Variants in PAMR1 observed in about 807,000 individuals in gnomAD.
PAMR1 encodes inactive serine protease PAMR1.
In PAMR1, 88 loss-of-function variants were observed where a neutral mutation model predicts 81.8. That is an observed-to-expected ratio of 1.08 (90% confidence interval 0.91 to 1.28). The LOEUF (loss-of-function observed/expected upper bound fraction) is 1.28, where lower values mean the gene tolerates loss of function less well. Ranked by LOEUF, PAMR1 falls within the 50% of genes most tolerant of loss-of-function variation. The pLI, the probability that PAMR1 is intolerant of heterozygous loss-of-function variation, is 0.00. For synonymous variants in PAMR1, 336 were observed against 345.3 expected (o/e 0.97, Z 0.30); for missense variants, 935 against 919.7 (o/e 1.02, Z -0.21).
At chr11:35,520,976 T>C (rs942440127) in intron 1 of PAMR1, among the ~76,000 whole-genome samples, 2 of 152,230 alleles carry the variant, frequency 1.3e-5, no homozygotes, top group Non-Finnish European at 2.9e-5. Context: ...CCATTGTCCA[T>C]GCCAATGGCA....
chr11:35,456,343 G>C (rs1856533061), intron 6 of PAMR1, among the ~76,000 whole-genome samples: 1 of 152,162 alleles, frequency 6.6e-6, no homozygotes, highest in Non-Finnish European at 1.5e-5. Context: ...TTGTAGCAAA[G>C]ATTTCATCAG....
chr11:35,466,688 C>T (rs563415465), intron 6 of PAMR1, among the ~76,000 whole-genome samples: 58 of 139,954 alleles, frequency 4.1e-4, no homozygotes, highest in Non-Finnish European at 8.1e-4. Context: ...GATCGCGCCA[C>T]TGCACTCTAG....
chr11:35,478,058 A>G (rs548510685), intron 3 of PAMR1, among the ~76,000 whole-genome samples: 1 of 152,254 alleles, frequency 6.6e-6, no homozygotes, highest in African/African-American at 2.4e-5. Flanking sequence ...CAGCTCCCTC[A>G]GCAAACCTCC....
At chr11:35,474,852 A>G in intron 3 of PAMR1, 108 bp from the exon 4 acceptor site, 1 of 677,362 alleles carries the variant, frequency 1.5e-6, no homozygotes, top group Non-Finnish European at 2.6e-6. Context: ...TGAGAACAGG[A>G]TGAATAGGGA....
At position 35,508,165 on chromosome 11, in the gene PAMR1, G is replaced by C. The variant is rs547562509; in HGVS notation, c.74-13893C>G. ...ACTTACAATGGTTCCTGTGCACTTT[G>C]AGGCAGGAAAGGATCTCTTGTCAAA... On this transcript the variant is annotated intron_variant, in intron 1 of 10. Transcript: ENST00000619888. Among the ~76,000 whole-genome samples, 5 of 152,280 alleles carry C rather than the reference G, an allele frequency of 3.3e-5. No individual in the cohort carries two copies. In the East Asian group the frequency reaches 7.7e-4, roughly 23 times the overall value.
intron 1 of PAMR1, among the ~76,000 whole-genome samples, chr11:35,501,130 T>A (rs1310113717): frequency 7.6e-6 from 1 of 131,340 alleles, no homozygotes; most frequent in African/African-American, 3.0e-5. Flanking sequence ...AACCTTTTTT[T>A]TTCTTTTTTT....
intron 6 of PAMR1, among the ~76,000 whole-genome samples, chr11:35,458,536 A>G (rs1181072473): frequency 2.0e-5 from 3 of 152,218 alleles, no homozygotes; most frequent in African/African-American, 4.8e-5. Context: ...TTTCTCTGAT[A>G]TGAGCTGGGT....
rs375092119 is a variant in PAMR1 at position 35,494,327 on chromosome 11, C to CTTTG, written c.74-59_74-56dup. 3,412 of 1,448,800 alleles carry CTTTG rather than the reference C, an allele frequency of 2.4e-3. 10 individuals carry two copies. The highest frequency in any genetic ancestry group is 0.016 in the African/African-American group (1,159 of 71,766). The allele number at this position is 1,448,800 out of a possible 1,614,324, so 89.7% of individuals were successfully genotyped here. ...GGTCCTGGCAGGGAGTGGTAAGACT[C>CTTTG]TTTGTTTGTTTGTTTGTTTGTTTTG... On this transcript the variant is annotated intron_variant, in intron 1 of 10. Coordinates refer to ENST00000619888, the MANE Select transcript of PAMR1 (RefSeq NM_001001991.3).
chr11:35,495,543 T>C (rs552652087), intron 1 of PAMR1, among the ~76,000 whole-genome samples: 1 of 152,250 alleles, frequency 6.6e-6, no homozygotes, highest in East Asian at 1.9e-4. Context: ...TTCTAAAAAT[T>C]TTGCACAAAG....
chr11:35,469,415 G>C (rs1243695842), intron 5 of PAMR1, among the ~76,000 whole-genome samples: 1 of 152,176 alleles, frequency 6.6e-6, no homozygotes, highest in African/African-American at 2.4e-5. Flanking sequence ...CCCCTACCTG[G>C]CTTGCTGACT....
intron 8 of PAMR1, 121 bp downstream of exon 8, chr11:35,439,506 C>G: frequency 1.2e-6 from 1 of 815,016 alleles, no homozygotes; most frequent in Non-Finnish European, 2.2e-6. Context: ...GACCAGTTAG[C>G]ACTAAATGTC....
intron 3 of PAMR1, among the ~76,000 whole-genome samples, chr11:35,483,871 C>T (rs1346398413): frequency 6.6e-6 from 1 of 152,132 alleles, no homozygotes; most frequent in Non-Finnish European, 1.5e-5. Flanking sequence ...CAAAGAGCTT[C>T]AGCACATAAA....
rs112661148 is a variant in PAMR1 at position 35,497,562 on chromosome 11, A to G, written c.74-3290T>C. On this transcript the variant is annotated intron_variant, in intron 1 of 10. Coordinates refer to ENST00000619888, the MANE Select transcript of PAMR1 (RefSeq NM_001001991.3). ...ACACTTAAAATGGCTAAAATGGCAC[A>G]TTTTCTTAGCCTTCTCTATCCTTCC... Among the ~76,000 whole-genome samples, 646 of 152,200 alleles carry G rather than the reference A, an allele frequency of 4.2e-3. 5 individuals are homozygous for G. The Middle Eastern group carries it at 0.054, about 13-fold the overall frequency.
At chr11:35,508,516 A>ATTTTTTTTT (rs59836040) in intron 1 of PAMR1, among the ~76,000 whole-genome samples, 184 of 97,978 alleles carry the variant, frequency 1.9e-3, no homozygotes, top group East Asian at 4.8e-3. Context: ...AGGAACCTCC[A>ATTTTTTTTT]TTTTTTTTTT....
At chr11:35,526,212 A>G (rs1403154067), upstream of PAMR1, among the ~76,000 whole-genome samples, 1 of 152,210 alleles carries the variant, frequency 6.6e-6, no homozygotes, top group East Asian at 1.9e-4. Flanking sequence ...TTGCAACTAC[A>G]GGCTACTGGA....
intron 3 of PAMR1, among the ~76,000 whole-genome samples, chr11:35,489,690 G>A (rs1850580918): frequency 6.6e-6 from 1 of 152,130 alleles, no homozygotes; most frequent in Non-Finnish European, 1.5e-5. Flanking sequence ...AACACACCTT[G>A]CATTTTCACA....
chr11:35,446,525 CG>C (rs1856296521), intron 6 of PAMR1, among the ~76,000 whole-genome samples: 1 of 152,028 alleles, frequency 6.6e-6, no homozygotes, highest in Admixed American at 6.6e-5. Context: ...CCAGTGATTC[CG>C]GTATGTTGTC....
intron 3 of PAMR1, 110 bp downstream of exon 3, chr11:35,491,935 C>T (rs1192040339): frequency 1.0e-6 from 1 of 977,566 alleles, no homozygotes; most frequent in African/African-American, 1.7e-5. Flanking sequence ...AGCCCTCTGG[C>T]TGCAGGCTTT....
chr11:35,468,727 T>A (rs531930841), intron 5 of PAMR1, among the ~76,000 whole-genome samples: 1 of 152,358 alleles, frequency 6.6e-6, no homozygotes, highest in South Asian at 2.1e-4. Flanking sequence ...ATATACATTG[T>A]GAGTTTCCTA....
Sources: gnomAD v4.1 joint callset for allele counts (sites outside exome capture counted in the v4.1 genomes callset) on GRCh38, gnomAD v4.1.1 for gene constraint, MANE v1.5 for transcripts, NCBI Gene and HGNC (gene_info 2026-07-23, HGNC 2026-07-21) for gene names.